The following FLRT1 variants were observed in gnomAD, a reference collection of about 807,000 sequenced individuals.
FLRT1 encodes the protein fibronectin leucine rich transmembrane protein 1, also known as leucine-rich repeat transmembrane protein FLRT1.
A neutral mutation model predicts 30.9 loss-of-function variants in FLRT1; 14 were observed. That is an observed-to-expected ratio of 0.45 (90% CI 0.30 to 0.71). The LOEUF (loss-of-function observed/expected upper bound fraction) is 0.71. Among genes scored for constraint, FLRT1 ranks in the 30% least tolerant of loss-of-function variants. The pLI is 0.08. For synonymous variants in FLRT1, 368 were observed against 430.4 expected, an observed-to-expected ratio of 0.85 and a Z score of 1.80; for missense variants, 737 against 949.2, an observed-to-expected ratio of 0.78 and a Z score of 2.94.
chr11:64,045,801 T>TA (rs1943573990), intron 1 of FLRT1, among the ~76,000 whole-genome samples: 2 of 152,130 alleles, frequency 1.3e-5, no homozygotes, highest in South Asian at 4.1e-4. Context: ...ATAATAGTAA[T>TA]AACAGGTGGG....
Position 64,082,195 on chromosome 11 carries a change from C to T in FLRT1, c.-1037-20999C>T, listed in dbSNP as rs375053402. ...AGCAGGCCAGAGCCAGGAGCAGGCGCGAAACATCCCTTAAATATTGGTGCT... is the reference window on the plus strand; with the variant it reads ...AGCAGGCCAGAGCCAGGAGCAGGCGTGAAACATCCCTTAAATATTGGTGCT... On this transcript the variant is annotated intron_variant, in intron 1 of 2. Coordinates refer to ENST00000682287, the MANE Select transcript of FLRT1 (RefSeq NM_013280.5). The surrounding 1 kb of genome is among the most constrained non-coding windows in gnomAD (Gnocchi z 4.5). 6.6e-6 allele frequency among the ~76,000 whole-genome samples: 1 copy of T among 152,028 alleles called. No individual in the cohort carries two copies. The highest frequency in any genetic ancestry group is 1.5e-5 in the Non-Finnish European group (1 of 68,000).
chr11:64,097,030 G>A (rs1384740749), intron 1 of FLRT1, among the ~76,000 whole-genome samples: 7 of 152,262 alleles, frequency 4.6e-5, no homozygotes, highest in East Asian at 3.9e-4. Context: ...CCAGGCGGAT[G>A]AGAACTCTTC....
chr11:64,107,505 T>C (rs1218876191), intron 2 of FLRT1, among the ~76,000 whole-genome samples: 2 of 152,048 alleles, frequency 1.3e-5, no homozygotes, highest in South Asian at 4.1e-4. Flanking sequence ...AGCCGGCCTA[T>C]GTGGTTAGGT....
At position 64,116,959 on chromosome 11, in the gene FLRT1, G is replaced by C; in HGVS notation, c.692G>C (p.Gly231Ala). 6.2e-7 allele frequency: 1 copy of C among 1,611,732 alleles called. No homozygotes were observed. The highest frequency in any genetic ancestry group is 8.5e-7 in the Non-Finnish European group (1 of 1,179,982). ...AGCCTGCGGCGCCTGGTGCTGGACG[G>C]TAACCTGCTGGCCAACCAGCGCATC... is the stretch of plus-strand genomic sequence containing the variant. ...LNSLRRLVLD[G>A]NLLANQRIAD... The change falls in exon 3 of 3, where the codon GGT becomes GCT. Residue 231 changes from glycine (G) to alanine (A), a missense_variant. Coordinates refer to ENST00000682287, the MANE Select transcript of FLRT1 (RefSeq NM_013280.5).
chr11:64,092,809 G>A (rs886348846), intron 1 of FLRT1, among the ~76,000 whole-genome samples: 2 of 152,244 alleles, frequency 1.3e-5, no homozygotes, highest in Non-Finnish European at 2.9e-5. Context: ...CCCAAGCATG[G>A]TTTGAAGAAG....
intron 1 of FLRT1, among the ~76,000 whole-genome samples, chr11:64,086,316 C>T (rs969542939): frequency 2.6e-5 from 4 of 152,090 alleles, no homozygotes; most frequent in Admixed American, 6.5e-5. Flanking sequence ...CCGGCACCTG[C>T]ACAGCCTGGG....
rs139162750 is a variant in FLRT1, at chr11:64,116,475, C to T, written c.208C>T (p.Arg70Trp). The part of the protein sequence containing the change: ...CDNGFIYCND[R>W]GLTSIPADIP... ...CAACGGCTTCATCTACTGCAACGACCGGGGACTCACATCCATCCCCGCAGA... is the reference window on the plus strand; with the variant it reads ...CAACGGCTTCATCTACTGCAACGACTGGGGACTCACATCCATCCCCGCAGA... Residue 70 changes from arginine to tryptophan, a missense_variant, in exon 3 of 3, where the codon CGG becomes TGG. Transcript: ENST00000682287. The T allele has an allele frequency of 4.3e-6, 7 of 1,614,086 alleles. No homozygotes were observed. The highest frequency in any genetic ancestry group is 5.1e-6 in the Non-Finnish European group (6 of 1,180,020).
intron 1 of FLRT1, among the ~76,000 whole-genome samples, chr11:64,065,777 A>G (rs1451874651): frequency 8.7e-5 from 12 of 137,282 alleles, no homozygotes; most frequent in East Asian, 2.2e-4. Flanking sequence ...GCGACAGAGC[A>G]CGACTCCGCC....
In FLRT1 at chr11:64,061,787, C is replaced by T. The variant is rs530280209; in HGVS notation, c.-1038+25628C>T. Among the ~76,000 whole-genome samples, 6 of 150,978 alleles carry T rather than the reference C, an allele frequency of 4.0e-5. No individual in the cohort carries two copies. In the South Asian group the frequency reaches 1.3e-3, roughly 32 times the overall value. ...CGATCACAGCTCACTGCAGCCTCAA[C>T]TTCCTGGGCTCAAGCCATCCTTCAA... is the stretch of plus-strand genomic sequence containing the variant. On this transcript the variant is annotated intron_variant, in intron 1 of 2. Transcript: ENST00000682287.
chr11:64,055,454 T>C (rs925166850), intron 1 of FLRT1, among the ~76,000 whole-genome samples: 1 of 152,170 alleles, frequency 6.6e-6, no homozygotes, highest in African/African-American at 2.4e-5. Flanking sequence ...GGCAGGTAGC[T>C]CCTGGGGCCC....
At chr11:64,045,290 T>C (rs1943563021) in intron 1 of FLRT1, among the ~76,000 whole-genome samples, 1 of 152,216 alleles carries the variant, frequency 6.6e-6, no homozygotes. Context: ...GCAATCTCCA[T>C]TAGGGCCCCT....
At chr11:64,111,657 G>A (rs1421817748) in intron 2 of FLRT1, among the ~76,000 whole-genome samples, 1 of 152,154 alleles carries the variant, frequency 6.6e-6, no homozygotes, top group Non-Finnish European at 1.5e-5. Flanking sequence ...CCTGTGAAGG[G>A]GGGTGGGTGA....
At chr11:64,046,068 T>C (rs1943578854) in intron 1 of FLRT1, among the ~76,000 whole-genome samples, 1 of 149,468 alleles carries the variant, frequency 6.7e-6, no homozygotes, top group Non-Finnish European at 1.5e-5. Flanking sequence ...TTTTTACACA[T>C]GAGGAAACTG....
At chr11:64,110,110 G>C (rs1398482528) in intron 2 of FLRT1, among the ~76,000 whole-genome samples, 1 of 152,112 alleles carries the variant, frequency 6.6e-6, no homozygotes, top group Non-Finnish European at 1.5e-5. Flanking sequence ...CACATTTATA[G>C]ATGAGGAAAT....
chr11:64,099,934 C>A (rs948176983), intron 1 of FLRT1, among the ~76,000 whole-genome samples: 1 of 152,050 alleles, frequency 6.6e-6, no homozygotes, highest in East Asian at 1.9e-4. Flanking sequence ...GAGGGGTGCA[C>A]AAGAGAGCCT....
At chr11:64,055,226 G>T (rs984488358) in intron 1 of FLRT1, among the ~76,000 whole-genome samples, 11 of 152,232 alleles carry the variant, frequency 7.2e-5, no homozygotes, top group African/African-American at 2.7e-4. Flanking sequence ...CGGGAGCAGG[G>T]TGAGGGGCAG....
intron 1 of FLRT1, among the ~76,000 whole-genome samples, chr11:64,098,232 C>T (rs1054748353): frequency 1.3e-5 from 2 of 152,322 alleles, no homozygotes; most frequent in Admixed American, 1.3e-4. Context: ...AAAGACCAGG[C>T]CCCTCAGTGC....
chr11:64,061,097 C>CG (rs1341928526), intron 1 of FLRT1, among the ~76,000 whole-genome samples: 3 of 152,160 alleles, frequency 2.0e-5, no homozygotes, highest in African/African-American at 7.2e-5. Context: ...GAGAGCCTCG[C>CG]GCTGGAAGGA....
rs183897166 is a variant in FLRT1 at position 64,040,397 on chromosome 11, C to A, written c.-1038+4238C>A. 2.3e-3 allele frequency among the ~76,000 whole-genome samples: 347 copies of A among 152,254 alleles called. 2 individuals carry two copies. Among genetic ancestry groups the A allele is most frequent in the Non-Finnish European group, 4.0e-3 (274 of 68,016 alleles). On this transcript the variant is annotated intron_variant, in intron 1 of 2. Coordinates refer to ENST00000682287, the MANE Select transcript of FLRT1 (RefSeq NM_013280.5). ...GAGAGGGCTGCATGGAGACCCCCGG[C>A]AGGAGGGCAGAGGGGCTCAAGGCAC...
Sources: allele counts gnomAD v4.1 joint callset (sites outside exome capture counted in the v4.1 genomes callset), GRCh38; gene constraint gnomAD v4.1.1; non-coding constraint Gnocchi (gnomAD v3.1); transcripts MANE v1.5; gene names NCBI Gene and HGNC (gene_info 2026-07-23, HGNC 2026-07-21).